Variants in LRRC28 observed in about 807,000 individuals in gnomAD.
LRRC28 encodes leucine-rich repeat-containing protein 28.
A neutral mutation model predicts 45.7 loss-of-function variants in LRRC28; 39 were observed. The observed-to-expected ratio is 0.85, with a 90% CI of 0.66 to 1.12. LRRC28 has a LOEUF of 1.12. LRRC28 is among the 50% of genes most tolerant of loss of function. The pLI is 0.00. For missense variants in LRRC28, 435 were observed against 438.5 expected, an observed-to-expected ratio of 0.99 and a Z score of 0.07; for synonymous variants, 206 against 178.8, an observed-to-expected ratio of 1.15 and a Z score of -1.22.
intron 6 of LRRC28, among the ~76,000 whole-genome samples, chr15:99,345,945 A>G (rs1597392176): frequency 6.6e-6 from 1 of 152,090 alleles, no homozygotes; most frequent in African/African-American, 2.4e-5. Flanking sequence ...CAGTGTGCAA[A>G]TTATTCTCTT....
rs772070795 is a variant in LRRC28, at chr15:99,386,082, A to G, written c.1084A>G (p.Thr362Ala). 5.6e-6 allele frequency: 9 copies of G among 1,613,952 alleles called. No individual in the cohort carries two copies. The highest frequency in any genetic ancestry group is 7.6e-6 in the Non-Finnish European group (9 of 1,179,980). Reference sequence around the variant, plus strand: ...CTGCTGCTCCACCCAGTGTCTGCAGACTTTTGACCTGCTGAGTTGATAAAC... The same window carrying G: ...CTGCTGCTCCACCCAGTGTCTGCAGGCTTTTGACCTGCTGAGTTGATAAAC... Reference protein sequence around the residue: ...AYCCSTQCLQTFDLLS With the variant: ...AYCCSTQCLQAFDLLS Residue 362 changes from threonine to alanine, a missense_variant, in exon 10 of 10, where the codon ACT becomes GCT. By Grantham distance (58) the Thr-to-Ala change is moderately conservative. Coordinates refer to ENST00000301981, the MANE Select transcript of LRRC28 (RefSeq NM_144598.5).
chr15:99,282,061 G>A (rs1253236951), intron 3 of LRRC28, among the ~76,000 whole-genome samples: 1 of 151,970 alleles, frequency 6.6e-6, no homozygotes, highest in Non-Finnish European at 1.5e-5. Context: ...CAAGTAGCTA[G>A]GGTTACAGGT....
chr15:99,316,184 G>T (rs1400149970), intron 5 of LRRC28, among the ~76,000 whole-genome samples: 1 of 152,036 alleles, frequency 6.6e-6, no homozygotes, highest in Non-Finnish European at 1.5e-5. Context: ...TGAATGTAAG[G>T]TTATATAAAA....
At chr15:99,301,529 A>G (rs981047330) in intron 5 of LRRC28, among the ~76,000 whole-genome samples, 1 of 152,216 alleles carries the variant, frequency 6.6e-6, no homozygotes, top group Non-Finnish European at 1.5e-5. Flanking sequence ...CAATAAGGCA[A>G]AAGCCTATAA....
At position 99,259,542 on chromosome 15, in the gene LRRC28, C is replaced by T. The variant is rs562925118; in HGVS notation, c.168+3417C>T. 1.8e-5 allele frequency: 23 copies of T among 1,249,058 alleles called. No homozygotes were observed. The East Asian group carries it at 4.4e-4, about 24-fold the overall frequency. 77.4% of individuals were successfully genotyped at this position (1,249,058 alleles called of 1,614,324 possible). A position where few individuals can be genotyped will look rare whatever the true frequency, so the allele number is the denominator to read the frequency against. On this transcript the variant is annotated intron_variant, in intron 2 of 9. Transcript: ENST00000301981. ...ATGGTATCTCAGTGCCTGACAGAAT[C>T]TCTGTGTGCTTTGGTGGCCAGCCAG...
In LRRC28 at chr15:99,312,392, C is replaced by G. The variant is rs557947483; in HGVS notation, c.386-21531C>G. 1.2e-4 allele frequency among the ~76,000 whole-genome samples: 19 copies of G among 152,296 alleles called. No individual in the cohort carries two copies. The South Asian group carries it at 3.9e-3, about 32-fold the overall frequency. ...TCAAGATAATCAATATCACTGTCTTCCACCTCTAATCTTTTCCCACCAGAA... is the reference window on the plus strand; with the variant it reads ...TCAAGATAATCAATATCACTGTCTTGCACCTCTAATCTTTTCCCACCAGAA... On this transcript the variant is annotated intron_variant, in intron 5 of 9. Transcript: ENST00000301981.
rs780502964 is a variant in LRRC28, at chr15:99,333,919, G to T, written c.386-4G>T. On this transcript the variant is annotated splice_polypyrimidine_tract_variant and splice_region_variant and intron_variant, in intron 5 of 9. Coordinates refer to ENST00000301981, the MANE Select transcript of LRRC28 (RefSeq NM_144598.5). ...ATTTATCCTAATTTTGATTTTGGTTGTAGAGGTTGGCGATTTGAAGGAGCT... is the reference window on the plus strand; with the variant it reads ...ATTTATCCTAATTTTGATTTTGGTTTTAGAGGTTGGCGATTTGAAGGAGCT... 3.1e-6 allele frequency: 5 copies of T among 1,613,852 alleles called. No individual in the cohort carries two copies. Among genetic ancestry groups the T allele is most frequent in the African/African-American group, 1.3e-5 (1 of 75,016 alleles).
chr15:99,349,114 G>A (rs897181101), intron 6 of LRRC28, among the ~76,000 whole-genome samples: 1 of 151,978 alleles, frequency 6.6e-6, no homozygotes, highest in African/African-American at 2.4e-5. Flanking sequence ...AATTTTATAC[G>A]TTGAAATGTA....
intron 5 of LRRC28, among the ~76,000 whole-genome samples, chr15:99,314,865 T>C (rs1205785358): frequency 6.6e-6 from 1 of 152,220 alleles, no homozygotes; most frequent in Non-Finnish European, 1.5e-5. Context: ...TTTTTTGAAG[T>C]GTGGCTCATG....
At chr15:99,313,735 A>G (rs1597322029) in intron 5 of LRRC28, among the ~76,000 whole-genome samples, 2 of 152,212 alleles carry the variant, frequency 1.3e-5, no homozygotes, top group Non-Finnish European at 2.9e-5. Flanking sequence ...CTGTATGTAG[A>G]ATTCTTGGTT....
intron 6 of LRRC28, among the ~76,000 whole-genome samples, chr15:99,348,902 C>A (rs1026890364): frequency 6.6e-6 from 1 of 151,972 alleles, no homozygotes; most frequent in African/African-American, 2.4e-5. Context: ...TTCTTCCTAT[C>A]CATGAACACT....
chr15:99,288,820 C>T (rs191768309), intron 5 of LRRC28, among the ~76,000 whole-genome samples: 2 of 152,116 alleles, frequency 1.3e-5, no homozygotes, highest in African/African-American at 4.8e-5. Flanking sequence ...GCTTGGACTA[C>T]AGGCACGTGA....
At chr15:99,330,364 G>GT (rs1457407405) in intron 5 of LRRC28, among the ~76,000 whole-genome samples, 6 of 152,086 alleles carry the variant, frequency 3.9e-5, no homozygotes, top group Non-Finnish European at 7.4e-5. Context: ...ATGTTGAAAT[G>GT]TCTGCTTTCC....
intron 7 of LRRC28, among the ~76,000 whole-genome samples, chr15:99,352,889 A>G (rs751537193): frequency 1.2e-4 from 18 of 152,246 alleles, no homozygotes; most frequent in South Asian, 4.1e-4. Context: ...ACTGAAGCCC[A>G]TTGCCATGAC....
At chr15:99,260,535 A>T (rs1336098445) in intron 2 of LRRC28, among the ~76,000 whole-genome samples, 3 of 152,226 alleles carry the variant, frequency 2.0e-5, no homozygotes, top group African/African-American at 7.2e-5. Flanking sequence ...TGTAAACTAT[A>T]AAGGCTGTAC....
chr15:99,377,760 T>C lies in LRRC28; in HGVS notation c.1032-8270T>C, dbSNP rs540637980. Among the ~76,000 whole-genome samples the C allele has an allele frequency of 9.2e-5, 14 of 152,238 alleles. 1 individual carries two copies. In the South Asian group the frequency reaches 2.9e-3, roughly 32 times the overall value. ...GGATCCAGTTTCAGCTTTCTACATA[T>C]GGCTAGCCAGTTTTCCCAGCACCAT... is the stretch of plus-strand genomic sequence containing the variant. On this transcript the variant is annotated intron_variant, in intron 9 of 9. Coordinates refer to ENST00000301981, the MANE Select transcript of LRRC28 (RefSeq NM_144598.5).
intron 6 of LRRC28, among the ~76,000 whole-genome samples, chr15:99,345,978 C>T (rs1030745225): frequency 2.0e-5 from 3 of 152,002 alleles, no homozygotes; most frequent in South Asian, 2.1e-4. Context: ...TCTAGGTTAA[C>T]GCCTCTCTTT....
At chr15:99,265,889 C>G (rs2081320504) in intron 2 of LRRC28, among the ~76,000 whole-genome samples, 1 of 152,164 alleles carries the variant, frequency 6.6e-6, no homozygotes, top group Non-Finnish European at 1.5e-5. Flanking sequence ...CTGTCAACTG[C>G]TTTTCTTAAT....
At chr15:99,348,484 T>C (rs763528912) in intron 6 of LRRC28, among the ~76,000 whole-genome samples, 7 of 152,178 alleles carry the variant, frequency 4.6e-5, no homozygotes, top group Non-Finnish European at 1.0e-4. Flanking sequence ...TTTATTCTTT[T>C]GCATGTGGAA....
Sources: allele counts gnomAD v4.1 joint callset (sites outside exome capture counted in the v4.1 genomes callset), GRCh38; gene constraint gnomAD v4.1.1; transcripts MANE v1.5; gene names NCBI Gene and HGNC (gene_info 2026-07-23, HGNC 2026-07-21).